The following PLD5 variants were observed in gnomAD, a reference collection of about 807,000 sequenced individuals.
The protein encoded by PLD5 is inactive phospholipase D5.
A neutral mutation model predicts 61.1 loss-of-function variants in PLD5; 36 were observed. The ratio of observed to expected loss-of-function variants is 0.59; its 90% confidence interval spans 0.45 to 0.78. The LOEUF (loss-of-function observed/expected upper bound fraction) is 0.78, where lower values mean the gene tolerates loss of function less well. PLD5 is among the 30% of genes least tolerant of loss of function. The pLI is 0.00. For synonymous variants in PLD5, 243 were observed against 242.8 expected (o/e 1.00, Z -0.01); for missense variants, 515 against 644.4 (o/e 0.80, Z 2.17).
chr1:242,146,323 TG>T (rs1664539034), intron 5 of PLD5, among the ~76,000 whole-genome samples: 1 of 152,212 alleles, frequency 6.6e-6, no homozygotes, highest in African/African-American at 2.4e-5. Context: ...CTTTTTAATT[TG>T]TAAATTAATA....
At chr1:242,308,684 C>T (rs953743687) in intron 2 of PLD5, among the ~76,000 whole-genome samples, 3 of 151,952 alleles carry the variant, frequency 2.0e-5, no homozygotes, top group Admixed American at 6.6e-5. Flanking sequence ...AAATTAAATT[C>T]GAAACCTCTG....
intron 1 of PLD5, among the ~76,000 whole-genome samples, chr1:242,395,035 A>C (rs1352889566): frequency 3.3e-5 from 2 of 61,462 alleles, no homozygotes; most frequent in Non-Finnish European, 6.6e-5. Flanking sequence ...GTATATATGA[A>C]TGTATATGTA....
At chr1:242,365,306 A>C (rs1480081955) in intron 1 of PLD5, 1 of 154,034 alleles carries the variant, frequency 6.5e-6, no homozygotes, top group East Asian at 1.9e-4. Context: ...AGTTTGATGA[A>C]CTATGACCTC....
intron 3 of PLD5, among the ~76,000 whole-genome samples, chr1:242,288,024 T>C (rs1380379512): frequency 2.0e-5 from 3 of 152,202 alleles, no homozygotes; most frequent in Non-Finnish European, 4.4e-5. Flanking sequence ...GTAAACACGC[T>C]AGTTGGGCGA....
chr1:242,460,071 G>A (rs1486342463), intron 1 of PLD5, among the ~76,000 whole-genome samples: 1 of 152,114 alleles, frequency 6.6e-6, no homozygotes, highest in Non-Finnish European at 1.5e-5. Flanking sequence ...GTTATGGAAA[G>A]ACTGTGTTTC....
chr1:242,309,217 G>A (rs1676551728), intron 2 of PLD5, among the ~76,000 whole-genome samples: 1 of 152,010 alleles, frequency 6.6e-6, no homozygotes, highest in Non-Finnish European at 1.5e-5. Flanking sequence ...TCTGTGTTTG[G>A]TCTGGTTGGG....
chr1:242,433,702 T>C (rs1196100210), intron 1 of PLD5, among the ~76,000 whole-genome samples: 1 of 152,112 alleles, frequency 6.6e-6, no homozygotes, highest in African/African-American at 2.4e-5. Flanking sequence ...CTATGTCCGA[T>C]GGTAATATGT....
chr1:242,300,555 G>A (rs371983489), intron 2 of PLD5, among the ~76,000 whole-genome samples: 11 of 152,156 alleles, frequency 7.2e-5, no homozygotes, highest in African/African-American at 2.6e-4. Flanking sequence ...AATCTAGGGA[G>A]TGAGGTGGGG....
At chr1:242,282,323 AAAAAC>A in intron 3 of PLD5, among the ~76,000 whole-genome samples, 1 of 152,162 alleles carries the variant, frequency 6.6e-6, no homozygotes, top group Non-Finnish European at 1.5e-5. Context: ...AAGTAGGTCA[AAAAAC>A]AAAACAAAAC....
intron 6 of PLD5, among the ~76,000 whole-genome samples, chr1:242,114,844 A>G (rs977162023): frequency 1.3e-5 from 2 of 152,172 alleles, no homozygotes; most frequent in Admixed American, 6.6e-5. Context: ...AGTGAGTTGT[A>G]TAGTTATTTC....
intron 1 of PLD5, among the ~76,000 whole-genome samples, chr1:242,461,595 G>A (rs763310363): frequency 1.3e-5 from 2 of 151,986 alleles, no homozygotes; most frequent in Admixed American, 6.6e-5. Context: ...ATCTTCCTTC[G>A]GGTATATACC....
At chr1:242,275,076 C>T (rs181202658) in intron 3 of PLD5, among the ~76,000 whole-genome samples, 30 of 151,676 alleles carry the variant, frequency 2.0e-4, no homozygotes, top group Non-Finnish European at 1.6e-4. Context: ...TGTGTGTATA[C>T]GTGCATATAA....
At chr1:242,197,831 G>A (rs316827) in intron 5 of PLD5, among the ~76,000 whole-genome samples, 62,441 of 151,672 alleles carry the variant, frequency 0.41, 13,893 homozygotes, top group East Asian at 0.64. Flanking sequence ...ACGGGGTTTC[G>A]CCATGTTGGC....
chr1:242,211,563 C>T (rs189014021), intron 5 of PLD5, among the ~76,000 whole-genome samples: 6 of 152,270 alleles, frequency 3.9e-5, no homozygotes, highest in East Asian at 1.9e-4. Flanking sequence ...AAACTCTCTT[C>T]GGCTGCTGGT....
chr1:242,324,515 G>A (rs1658628731), intron 2 of PLD5, among the ~76,000 whole-genome samples: 1 of 152,158 alleles, frequency 6.6e-6, no homozygotes, highest in Non-Finnish European at 1.5e-5. Flanking sequence ...GGTGTAGGTT[G>A]AACTAAGTTT....
chr1:242,433,144 C>T (rs1665808795), intron 1 of PLD5, among the ~76,000 whole-genome samples: 1 of 151,664 alleles, frequency 6.6e-6, no homozygotes, highest in Admixed American at 6.5e-5. Context: ...ACATTCTGGT[C>T]CCCTGAAGTT....
chr1:242,472,409 A>C (rs1667472404), intron 1 of PLD5, among the ~76,000 whole-genome samples: 1 of 152,232 alleles, frequency 6.6e-6, no homozygotes, highest in Non-Finnish European at 1.5e-5. Context: ...AACCCTGCTG[A>C]TCATTCTTAT....
At chr1:242,137,215 A>C (rs1663804429) in intron 5 of PLD5, among the ~76,000 whole-genome samples, 1 of 152,154 alleles carries the variant, frequency 6.6e-6, no homozygotes, top group African/African-American at 2.4e-5. Flanking sequence ...AAGTTAGCTC[A>C]CTGTAACTTT....
chr1:242,190,435 C>T (rs150414785), intron 5 of PLD5, among the ~76,000 whole-genome samples: 6 of 151,914 alleles, frequency 3.9e-5, no homozygotes, highest in Non-Finnish European at 7.4e-5. Flanking sequence ...CGTGAGCCAC[C>T]GCGCCCGGCC....
Sources: gnomAD v4.1 joint callset for allele counts (sites outside exome capture counted in the v4.1 genomes callset) on GRCh38, gnomAD v4.1.1 for gene constraint, MANE v1.5 for transcripts, NCBI Gene and HGNC (gene_info 2026-07-23, HGNC 2026-07-21) for gene names.